Variants in PLS3 observed in about 807,000 individuals in gnomAD.
The protein encoded by PLS3 is plastin 3.
Under a neutral mutation model 46.5 loss-of-function variants are expected in PLS3, and 11 were observed. That is an observed-to-expected ratio of 0.24 (90% confidence interval 0.15 to 0.39). The LOEUF is 0.39. PLS3 is among the 10% of genes least tolerant of loss of function. The pLI is 1.00. For missense variants in PLS3, 308 were observed against 461.8 expected (o/e 0.67, Z 3.05); for synonymous variants, 167 against 162.2 (o/e 1.03, Z -0.22).
chrX:115,616,606 T>A (rs1569528059), intron 2 of PLS3, among the ~76,000 whole-genome samples: 1 of 112,072 alleles, frequency 8.9e-6, no homozygotes, highest in Non-Finnish European at 1.9e-5. Context: ...TTACTGGCCT[T>A]CCAAACCACG....
At chrX:115,615,734 A>T (rs918721496) in intron 2 of PLS3, among the ~76,000 whole-genome samples, 1 of 111,273 alleles carries the variant, frequency 9.0e-6, no homozygotes, top group Admixed American at 9.6e-5. Context: ...GTGTTCAGTG[A>T]TAAGGTAGAG....
intron 1 of PLS3, among the ~76,000 whole-genome samples, chrX:115,574,371 A>C (rs1470172166): frequency 8.9e-6 from 1 of 112,144 alleles, no homozygotes; most frequent in East Asian, 2.8e-4. Flanking sequence ...TGCATAAAAT[A>C]CATAATGATG....
chrX:115,647,630 C>T lies in PLS3; in HGVS notation c.1592C>T (p.Thr531Met), dbSNP rs782070765. Residue 531 changes from threonine to methionine, a missense_variant, in exon 14 of 16, where the codon ACG becomes ATG. Transcript: ENST00000355899. Reference sequence around the variant, plus strand: ...ATCATTGTGAACTGGGTGAACAGAACGTTGAGTGAAGCTGGAAAATCAACT... The same window carrying T: ...ATCATTGTGAACTGGGTGAACAGAATGTTGAGTGAAGCTGGAAAATCAACT... ...DDIIVNWVNR[T>M]LSEAGKSTSI... 8.3e-6 allele frequency: 10 copies of T among 1,203,270 alleles called. No homozygotes were observed. Among genetic ancestry groups the T allele is most frequent in the East Asian group, 3.0e-5 (1 of 33,711 alleles).
In PLS3 at chrX:115,567,880, T is replaced by C. The variant is rs782765889; in HGVS notation, c.-9+6620T>C. On this transcript the variant is annotated intron_variant, in intron 1 of 15. Coordinates refer to ENST00000355899, the MANE Select transcript of PLS3 (RefSeq NM_005032.7). Reference sequence around the variant, plus strand: ...ATATTATATAAAGTTTTACGTGATATATAATATAAGTTTTTACTTTCTGTA... The same window carrying C: ...ATATTATATAAAGTTTTACGTGATACATAATATAAGTTTTTACTTTCTGTA... 2.7e-5 allele frequency among the ~76,000 whole-genome samples: 3 copies of C among 110,195 alleles called. No homozygotes were observed. In the East Asian group the frequency reaches 8.5e-4, roughly 31 times the overall value.
intron 1 of PLS3, among the ~76,000 whole-genome samples, chrX:115,578,657 G>A (rs1459608155): frequency 1.1e-5 from 1 of 95,170 alleles, no homozygotes; most frequent in African/African-American, 4.1e-5. Context: ...CCCGGGAGAC[G>A]GAGCTTGCAG....
At chrX:115,633,957 C>A in intron 5 of PLS3, 43 bp from the exon 6 acceptor site, 1 of 673,270 alleles carries the variant, frequency 1.5e-6, no homozygotes, top group Non-Finnish European at 2.4e-6. Flanking sequence ...AGGAAATCAG[C>A]TCTTTTTTTT....
rs781919918 is a variant in PLS3 at position 115,597,170 on chromosome X, A to T, written c.-8-13073A>T. Among the ~76,000 whole-genome samples the T allele has an allele frequency of 1.2e-3, 138 of 110,641 alleles. 1 individual carries two copies. Among genetic ancestry groups the T allele is most frequent in the African/African-American group, 4.4e-3 (134 of 30,453 alleles). On this transcript the variant is annotated intron_variant, in intron 1 of 15. Coordinates refer to ENST00000355899, the MANE Select transcript of PLS3 (RefSeq NM_005032.7). ...AAAACTAATAATAATAATATAATGT[A>T]ATATAATACAGACAGAAAATTGGAG...
intron 2 of PLS3, among the ~76,000 whole-genome samples, chrX:115,612,876 T>G (rs1333516033): frequency 8.9e-6 from 1 of 112,077 alleles, no homozygotes; most frequent in Non-Finnish European, 1.9e-5. Context: ...TTCCAGTGCT[T>G]CCCAGTAGCA....
Position 115,636,718 on chromosome X carries a change from C to T in PLS3, c.749-118C>T, listed in dbSNP as rs1214060001. ...ATTATGAGTATCTTGAAACTAGGAA[C>T]TATGTCATAGTAGTTTTTGCACCTC... On this transcript the variant is annotated intron_variant, in intron 7 of 15. Transcript: ENST00000355899. The T allele has an allele frequency of 9.5e-6, 5 of 528,991 alleles. No individual in the cohort carries two copies. In the Admixed American group the frequency reaches 1.7e-4, roughly 18 times the overall value. The allele number at this position is 528,991 out of a possible 1,213,427, so 43.6% of individuals were successfully genotyped here.
intron 15 of PLS3, among the ~76,000 whole-genome samples, chrX:115,648,773 C>T (rs138483216): frequency 1.0e-3 from 114 of 112,023 alleles, no homozygotes; most frequent in African/African-American, 3.2e-3. Flanking sequence ...ATATCAAGAA[C>T]TCTTGAAATC....
intron 3 of PLS3, among the ~76,000 whole-genome samples, chrX:115,623,442 G>A (rs2074676684): frequency 8.9e-6 from 1 of 111,740 alleles, no homozygotes; most frequent in Non-Finnish European, 1.9e-5. Flanking sequence ...GATTGCTCAA[G>A]CCCAGTAGTT....
chrX:115,567,984 C>T (rs192909880), intron 1 of PLS3, among the ~76,000 whole-genome samples: 1 of 111,782 alleles, frequency 8.9e-6, no homozygotes, highest in Admixed American at 9.5e-5. Flanking sequence ...CTAATTACAT[C>T]GTGTTGCACT....
intron 1 of PLS3, among the ~76,000 whole-genome samples, chrX:115,590,541 C>T (rs782418174): frequency 5.4e-5 from 6 of 111,886 alleles, no homozygotes; most frequent in Admixed American, 9.5e-5. Context: ...TCTTTTAGCC[C>T]GGGCACAGTT....
intron 1 of PLS3, among the ~76,000 whole-genome samples, chrX:115,585,334 T>G (rs782389945): frequency 1.9e-4 from 21 of 112,226 alleles, no homozygotes; most frequent in African/African-American, 6.8e-4. Flanking sequence ...TTAATTTTGC[T>G]CTCCAAAATC....
rs1056851843 is a variant in PLS3, at chrX:115,645,522, A to C, written c.1262+423A>C. Among the ~76,000 whole-genome samples the C allele has an allele frequency of 3.6e-5, 4 of 110,492 alleles. 1 individual carries two copies. The stretch of plus-strand genomic sequence containing the variant: ...AAAAAGAAAGAAACAGAGACCAGGG[A>C]ATCCTTTAAGTAGACCATCCACAAC... On this transcript the variant is annotated intron_variant, in intron 11 of 15. Transcript: ENST00000355899.
At chrX:115,641,225 C>CTT (rs35431475) in intron 9 of PLS3, among the ~76,000 whole-genome samples, 27 of 82,405 alleles carry the variant, frequency 3.3e-4, no homozygotes, top group Admixed American at 4.2e-4. Flanking sequence ...TCTTCTCTTT[C>CTT]TTTTTTTTTT....
Position 115,629,200 on chromosome X carries a change from T to G in PLS3, c.240T>G (p.Ile80Met). 8.6e-7 allele frequency: 1 copy of G among 1,160,489 alleles called. No individual in the cohort carries two copies. The highest frequency in any genetic ancestry group is 1.2e-6 in the Non-Finnish European group (1 of 853,752). The change falls in exon 4 of 16, where the codon ATT becomes ATG. Residue 80 changes from isoleucine (I) to methionine (M), a missense_variant and splice_region_variant. By Grantham distance (10) the Ile-to-Met change is conservative. Around this residue, in one of 2 missense-constraint regions of PLS3, gnomAD observed 271 missense variants for 435.7 expected, o/e 0.62. Transcript: ENST00000355899. ...GKISFDEFVY[I>M]FQEVKSSDIA... ...AACAAAATTACTTTAATTAATAGAT[T>G]TTTCAAGAGGTAAAAAGTAGTGATA...
rs782173692 is a variant in PLS3, at chrX:115,632,386, G to A, written c.501-1614G>A. On this transcript the variant is annotated intron_variant, in intron 5 of 15. Coordinates refer to ENST00000355899, the MANE Select transcript of PLS3 (RefSeq NM_005032.7). The stretch of plus-strand genomic sequence containing the variant: ...GAGGTTGGAGGATCCCTTGAGCCCA[G>A]GAGTTCGAGGCTGCAGTGATTCGAG... Among the ~76,000 whole-genome samples, 10 of 110,616 alleles carry A rather than the reference G, an allele frequency of 9.0e-5. No homozygotes were observed. The South Asian group carries it at 4.0e-3, about 44-fold the overall frequency.
chrX:115,591,138 CA>C (rs1286972541), intron 1 of PLS3, among the ~76,000 whole-genome samples: 2 of 103,688 alleles, frequency 1.9e-5, no homozygotes, highest in African/African-American at 3.5e-5. Context: ...GACTCCGTCT[CA>C]AAAAAAAAAC....
Sources: allele counts gnomAD v4.1 joint callset (sites outside exome capture counted in the v4.1 genomes callset), GRCh38; gene constraint gnomAD v4.1.1; regional missense constraint gnomAD v4.1.1; transcripts MANE v1.5; gene names NCBI Gene and HGNC (gene_info 2026-07-23, HGNC 2026-07-21).